GDA: variants seen among roughly 807,000 people sequenced by gnomAD.
GDA encodes the protein cytoplasmic PSD-95 interactor.
GDA carries 18 observed loss-of-function variants against 59.6 expected under a neutral mutation model. The ratio of observed to expected loss-of-function variants is 0.30; its 90% CI spans 0.21 to 0.45. GDA has a LOEUF of 0.45. Ranked by LOEUF, GDA falls within the 20% of genes least tolerant of loss-of-function variation. GDA has a pLI of 1.00. For missense variants in GDA, 427 were observed against 552.3 expected, an observed-to-expected ratio of 0.77 and a Z score of 2.27; for synonymous variants, 201 against 201.1, an observed-to-expected ratio of 1.00 and a Z score of 0.00.
chr9:72,250,636 A>C lies in GDA; in HGVS notation c.*2294A>C. ...CTATACCTGGGGCCAGATTTTCTGC[A>C]CTTTGAAATGTTGCCTTTGCCTAAT... On this transcript the variant is annotated 3_prime_UTR_variant, in exon 14 of 14. Transcript: ENST00000358399. 1 of 1,593,940 alleles carries C rather than the reference A, an allele frequency of 6.3e-7. No homozygotes were observed. The highest frequency in any genetic ancestry group is 2.2e-5 in the East Asian group (1 of 44,608).
Position 72,251,565 on chromosome 9 carries a change from G to A in GDA, c.*3223G>A, listed in dbSNP as rs1278746806. ...AAAGCAATGGTGTGAGTTATTAATG[G>A]GTAAACTAAGAAGTGTTATAGGCAA... On this transcript the variant is annotated 3_prime_UTR_variant, in exon 14 of 14. Transcript: ENST00000358399. 6.6e-6 allele frequency: 1 copy of A among 152,038 alleles called. No homozygotes were observed. Among genetic ancestry groups the A allele is most frequent in the Non-Finnish European group, 1.5e-5 (1 of 67,990 alleles). 9.4% of individuals were successfully genotyped at this position (152,038 alleles called of 1,614,324 possible).
At position 72,223,012 on chromosome 9, in the gene GDA, C is replaced by T. The variant is rs1837097034; in HGVS notation, c.607-108C>T. 11 of 629,006 alleles carry T rather than the reference C, an allele frequency of 1.7e-5. No individual in the cohort carries two copies. The South Asian group carries it at 2.1e-4, about 12-fold the overall frequency. The allele number at this position is 629,006 out of a possible 1,614,324, so 39.0% of individuals were successfully genotyped here. On this transcript the variant is annotated intron_variant, in intron 6 of 13. Transcript: ENST00000358399. The stretch of plus-strand genomic sequence containing the variant: ...TGTGAGCCACCACACCTGGCCCTTC[C>T]AGGGTTTTTATAGTTTTCGGTTTTA...
chr9:72,149,461 T>C lies in GDA; in HGVS notation c.-99T>C. On this transcript the variant is annotated 5_prime_UTR_variant, in exon 1 of 14. Coordinates refer to ENST00000358399, the MANE Select transcript of GDA (RefSeq NM_004293.5). ...GGGCAGGACAAGGCCGGAGCCTGTGTCCGCCCGGCAGCCGCCCGCAGCTGC... is the reference window on the plus strand; with the variant it reads ...GGGCAGGACAAGGCCGGAGCCTGTGCCCGCCCGGCAGCCGCCCGCAGCTGC... The C allele has an allele frequency of 7.0e-7, 1 of 1,433,488 alleles. No individual in the cohort carries two copies. The highest frequency in any genetic ancestry group is 9.4e-7 in the Non-Finnish European group (1 of 1,062,378). The allele number at this position is 1,433,488 out of a possible 1,614,324, so 88.8% of individuals were successfully genotyped here.
At chr9:72,121,909 C>T (rs1029184064) in intron 1 of GDA, among the ~76,000 whole-genome samples, 2 of 152,170 alleles carry the variant, frequency 1.3e-5, no homozygotes, top group Admixed American at 1.3e-4. Flanking sequence ...GTTGACAGCC[C>T]TCTCCTTGAA....
At chr9:72,234,813 T>C (rs1838774464) in intron 10 of GDA, among the ~76,000 whole-genome samples, 1 of 152,138 alleles carries the variant, frequency 6.6e-6, no homozygotes, top group South Asian at 2.1e-4. Flanking sequence ...ACAAAACAAT[T>C]AAAAACCAGT....
intron 4 of GDA, among the ~76,000 whole-genome samples, chr9:72,213,528 G>C (rs1420307274): frequency 6.6e-6 from 1 of 152,046 alleles, no homozygotes; most frequent in Non-Finnish European, 1.5e-5. Flanking sequence ...TTTTGGCCGG[G>C]CGCGGTGGCT....
intron 1 of GDA, among the ~76,000 whole-genome samples, chr9:72,192,880 AAACAAC>A (rs150999149): frequency 4.6e-5 from 7 of 151,406 alleles, no homozygotes; most frequent in African/African-American, 1.7e-4. Flanking sequence ...CTCCTTCTCA[AAACAAC>A]AACAACAACA....
downstream of GDA, among the ~76,000 whole-genome samples, chr9:72,258,978 G>T (rs1206799837): frequency 6.6e-6 from 1 of 151,896 alleles, no homozygotes; most frequent in African/African-American, 2.4e-5. Flanking sequence ...TCCTCTGGCT[G>T]CAATCAGCAT....
At chr9:72,235,338 C>A (rs935767295) in intron 10 of GDA, among the ~76,000 whole-genome samples, 3 of 152,142 alleles carry the variant, frequency 2.0e-5, no homozygotes, top group Non-Finnish European at 4.4e-5. Flanking sequence ...TTCCTTATGT[C>A]ATTTGAATGT....
chr9:72,247,513 T>C, intron 13 of GDA, 80 bp downstream of exon 13: 1 of 756,110 alleles, frequency 1.3e-6, no homozygotes, highest in Admixed American at 2.3e-5. Context: ...TCTATGTATT[T>C]ATCCTACCAT....
intron 10 of GDA, among the ~76,000 whole-genome samples, chr9:72,240,123 T>G (rs1426973820): frequency 6.6e-6 from 1 of 152,190 alleles, no homozygotes; most frequent in Non-Finnish European, 1.5e-5. Flanking sequence ...TTCATTTGAT[T>G]ATGATTAGGG....
chr9:72,131,561 C>A (rs541738343), intron 1 of GDA, among the ~76,000 whole-genome samples: 1 of 152,034 alleles, frequency 6.6e-6, no homozygotes, highest in East Asian at 1.9e-4. Flanking sequence ...GGGACAATTA[C>A]CCAAATTATA....
chr9:72,175,441 A>T (rs1044366820), intron 1 of GDA, among the ~76,000 whole-genome samples: 15 of 152,208 alleles, frequency 9.9e-5, no homozygotes, highest in Non-Finnish European at 1.5e-5. Context: ...GAAAGAGAAC[A>T]TGTTCAGGAA....
chr9:72,225,646 G>T (rs886981396), intron 7 of GDA, 31 bp from the exon 8 acceptor site: 6 of 1,026,958 alleles, frequency 5.8e-6, no homozygotes, highest in Non-Finnish European at 7.4e-6. Context: ...TTTTACAGAA[G>T]AAAAATGAAA....
intron 1 of GDA, among the ~76,000 whole-genome samples, chr9:72,191,533 G>T (rs1442390962): frequency 6.6e-6 from 1 of 150,798 alleles, no homozygotes; most frequent in East Asian, 2.0e-4. Flanking sequence ...CTGCAGTGGT[G>T]CTATCTTGGC....
intron 1 of GDA, among the ~76,000 whole-genome samples, chr9:72,142,490 G>A (rs1826474194): frequency 6.6e-6 from 1 of 151,338 alleles, no homozygotes; most frequent in African/African-American, 2.4e-5. Context: ...GGAGAATGGT[G>A]TGAACTCGGG....
chr9:72,235,960 G>C (rs766328322), intron 10 of GDA, among the ~76,000 whole-genome samples: 1 of 152,140 alleles, frequency 6.6e-6, no homozygotes, highest in African/African-American at 2.4e-5. Flanking sequence ...TGGAGCCAGT[G>C]CCTCACTTTT....
chr9:72,148,591 T>TA (rs1826801706), upstream of GDA, among the ~76,000 whole-genome samples: 1 of 152,062 alleles, frequency 6.6e-6, no homozygotes, highest in Admixed American at 6.5e-5. Context: ...AACAGCACGT[T>TA]AGAGGGCCCT....
rs200156367 is a variant in GDA at position 72,213,940 on chromosome 9, C to T, written c.527C>T (p.Thr176Ile). 68 of 1,612,034 alleles carry T rather than the reference C, an allele frequency of 4.2e-5. 2 individuals are homozygous for T. In the South Asian group the frequency reaches 4.9e-4, roughly 12 times the overall value. Residue 176 changes from threonine to isoleucine, a missense_variant, in exon 5 of 14, where the codon ACT (threonine) becomes ATT (isoleucine). Physicochemically the swap from Thr to Ile is moderately conservative, Grantham distance 89. Coordinates refer to ENST00000358399, the MANE Select transcript of GDA (RefSeq NM_004293.5). ...VGKVCMDLND[T>I]FPEYKETTEE... is the part of the protein sequence containing the mutation. ...AAAGTTTGCATGGATTTGAATGACA[C>T]TTTTCCAGAATACAAGGAGACCACT...
Sources: gnomAD v4.1 joint callset for allele counts (sites outside exome capture counted in the v4.1 genomes callset) on GRCh38, gnomAD v4.1.1 for gene constraint, MANE v1.5 for transcripts, NCBI Gene and HGNC (gene_info 2026-07-23, HGNC 2026-07-21) for gene names.